KDM1B: variants seen among roughly 807,000 people sequenced by gnomAD.
KDM1B encodes lysine demethylase 1B.
KDM1B carries 63 observed loss-of-function variants against 107.4 expected under a neutral mutation model. The observed-to-expected ratio is 0.59, with a 90% CI of 0.48 to 0.72. The LOEUF is 0.72. KDM1B is among the 30% of genes least tolerant of loss of function. The pLI is 0.00. For synonymous variants in KDM1B, 363 were observed against 363.9 expected (o/e 1.00, Z 0.03); for missense variants, 749 against 1,020.8 (o/e 0.73, Z 3.63).
intron 5 of KDM1B, among the ~76,000 whole-genome samples, chr6:18,164,972 T>C (rs999199637): frequency 2.6e-5 from 4 of 152,034 alleles, no homozygotes; most frequent in Non-Finnish European, 4.4e-5. Flanking sequence ...TTTACACTTA[T>C]AGTTTTTTTG....
At chr6:18,187,346 G>A (rs79798644) in intron 8 of KDM1B, among the ~76,000 whole-genome samples, 2,081 of 152,278 alleles carry the variant, frequency 0.014, 45 homozygotes, top group African/African-American at 0.048. Flanking sequence ...CTACTTGGGA[G>A]CATTATTTTT....
intron 17 of KDM1B, among the ~76,000 whole-genome samples, chr6:18,208,588 T>C (rs1788547382): frequency 8.5e-6 from 1 of 117,240 alleles, no homozygotes. Flanking sequence ...TAGGGTTAAA[T>C]AGAAGTATGT....
chr6:18,221,737 C>A (rs556779774), intron 21 of KDM1B, among the ~76,000 whole-genome samples, 172 bp from the exon 22 acceptor site: 3 of 152,180 alleles, frequency 2.0e-5, no homozygotes, highest in Non-Finnish European at 4.4e-5. Context: ...TTTGACAATG[C>A]ATGGCCAGAT....
At position 18,187,869 on chromosome 6, in the gene KDM1B, G is replaced by A. The variant is rs572038589; in HGVS notation, c.651G>A (p.Ala217=). Residue 217 remains alanine, a synonymous_variant, in exon 9 of 22, where the codon GCG becomes GCA. Transcript: ENST00000650836. The part of the protein sequence containing the change: ...LPPLLKDSVA[A]PLLSAYYPDC... ...CTTTGCTGAAAGACAGTGTGGCAGC[G>A]CCCCTGCTGTCTGCCTACTACCCTG... 73 of 1,550,210 alleles carry A rather than the reference G, an allele frequency of 4.7e-5. No homozygotes were observed. The East Asian group carries it at 1.2e-3, about 25-fold the overall frequency.
In KDM1B at chr6:18,223,316, T is replaced by G. The variant is rs942002643; in HGVS notation, c.*1324T>G. The G allele has an allele frequency of 6.6e-6, 1 of 151,830 alleles. No homozygotes were observed. The highest frequency in any genetic ancestry group is 1.5e-5 in the Non-Finnish European group (1 of 67,990). The allele number at this position is 151,830 out of a possible 1,614,324, so 9.4% of individuals were successfully genotyped here. A position where few individuals can be genotyped will look rare whatever the true frequency, so the allele number is the denominator to read the frequency against. On this transcript the variant is annotated 3_prime_UTR_variant, in exon 22 of 22. Transcript: ENST00000650836. ...AAGAATGTGCAGTGAACCTCAGGCA[T>G]TTAAGACACCTCCCCCACCGCCCGC... is the stretch of plus-strand genomic sequence containing the variant.
chr6:18,168,792 C>T (rs1298476885), intron 6 of KDM1B, among the ~76,000 whole-genome samples: 2 of 152,158 alleles, frequency 1.3e-5, no homozygotes, highest in South Asian at 4.1e-4. Context: ...TCCCTAATGA[C>T]TAATGCAACC....
rs570638702 is a variant in KDM1B at position 18,175,978 on chromosome 6, G to A, written c.534+4499G>A. Among the ~76,000 whole-genome samples the A allele has an allele frequency of 3.8e-3, 579 of 151,236 alleles. 3 individuals carry two copies. Among genetic ancestry groups the A allele is most frequent in the African/African-American group, 0.013 (554 of 41,442 alleles). ...CTTTTTTGGTTCCATATGAGTTTTAGAATTTTTTCTAATTATGTGATGAAT... is the reference window on the plus strand; with the variant it reads ...CTTTTTTGGTTCCATATGAGTTTTAAAATTTTTTCTAATTATGTGATGAAT... On this transcript the variant is annotated intron_variant, in intron 7 of 21. Coordinates refer to ENST00000650836, the MANE Select transcript of KDM1B (RefSeq NM_001364614.2).
At position 18,191,610 on chromosome 6, in the gene KDM1B, T is replaced by C. The variant is rs555016507; in HGVS notation, c.969+229T>C. Among the ~76,000 whole-genome samples the C allele has an allele frequency of 1.3e-5, 2 of 152,164 alleles. No individual in the cohort carries two copies. The highest frequency in any genetic ancestry group is 2.9e-5 in the Non-Finnish European group (2 of 68,028). On this transcript the variant is annotated intron_variant, in intron 10 of 21. Coordinates refer to ENST00000650836, the MANE Select transcript of KDM1B (RefSeq NM_001364614.2). This position sits in a 1 kb window ranked among gnomAD's most constrained non-coding sequence, Gnocchi z 5.1. Reference sequence around the variant, plus strand: ...AGATTCCAGTAATGCTTCCCACCTGTGAAAACCAAATACGTCTATAGACAT... The same window carrying C: ...AGATTCCAGTAATGCTTCCCACCTGCGAAAACCAAATACGTCTATAGACAT...
intron 6 of KDM1B, among the ~76,000 whole-genome samples, chr6:18,166,693 T>G (rs536344462): frequency 6.7e-6 from 1 of 149,728 alleles, no homozygotes; most frequent in African/African-American, 2.5e-5. Flanking sequence ...CAAAAAAAAA[T>G]TTTTTTTTTA....
chr6:18,169,585 C>T (rs1785525464), intron 6 of KDM1B, among the ~76,000 whole-genome samples: 1 of 152,072 alleles, frequency 6.6e-6, no homozygotes, highest in Non-Finnish European at 1.5e-5. Context: ...GTATTTTTTC[C>T]TATAGGTTGT....
At chr6:18,185,920 T>A in intron 8 of KDM1B, 110 bp downstream of exon 8, 1 of 1,036,974 alleles carries the variant, frequency 9.6e-7, no homozygotes, top group East Asian at 2.4e-5. Context: ...TGGTTGCTGA[T>A]CAGTGACTTT....
intron 10 of KDM1B, among the ~76,000 whole-genome samples, chr6:18,196,347 G>C (rs192782382): frequency 6.6e-6 from 1 of 152,246 alleles, no homozygotes; most frequent in African/African-American, 2.4e-5. Context: ...CCCTGCAGTG[G>C]GGGTTGCTGG....
At chr6:18,219,957 G>A (rs942327809) in intron 21 of KDM1B, among the ~76,000 whole-genome samples, 10 of 152,140 alleles carry the variant, frequency 6.6e-5, no homozygotes, top group Non-Finnish European at 1.5e-4. Context: ...AGTTGCAGCC[G>A]GTCAAGTGGG....
intron 10 of KDM1B, among the ~76,000 whole-genome samples, chr6:18,196,815 TTA>T (rs760252344): frequency 4.9e-4 from 74 of 152,318 alleles, no homozygotes; most frequent in Middle Eastern, 3.4e-3. Flanking sequence ...TATGTAAATA[TTA>T]TGTCATTTTA....
intron 21 of KDM1B, 132 bp from the exon 22 acceptor site, chr6:18,221,777 T>C (rs1451604499): frequency 2.8e-6 from 2 of 703,030 alleles, no homozygotes; most frequent in South Asian, 1.9e-5. Flanking sequence ...TTACGATGGG[T>C]GAGTGTGAAT....
chr6:18,159,218 G>T lies in KDM1B; in HGVS notation c.-13-665G>T, dbSNP rs1368573768. Among the ~76,000 whole-genome samples, 1 of 152,086 alleles carries T rather than the reference G, an allele frequency of 6.6e-6. No homozygotes were observed. Among genetic ancestry groups the T allele is most frequent in the Non-Finnish European group, 1.5e-5 (1 of 68,008 alleles). ...CCTGACCTCATGATCCGCCTGCCTG[G>T]GCCTTGCAAAGTGCTGGGATTACAA... On this transcript the variant is annotated intron_variant, in intron 2 of 21. Coordinates refer to ENST00000650836, the MANE Select transcript of KDM1B (RefSeq NM_001364614.2). This position sits in a 1 kb window ranked among gnomAD's most constrained non-coding sequence, Gnocchi z 4.5.
intron 7 of KDM1B, among the ~76,000 whole-genome samples, chr6:18,182,084 T>A (rs541461904): frequency 1.6e-4 from 24 of 152,330 alleles, no homozygotes; most frequent in African/African-American, 5.8e-4. Flanking sequence ...TATTTTAACA[T>A]CAAGCATTTT....
rs954166590 is a variant in KDM1B at position 18,222,285 on chromosome 6, T to C, written c.*293T>C. ...TCAGTTGAGGCCATGGATTTGATTG[T>C]TCCATGGCTGGAAGTTCCCTTTAGA... On this transcript the variant is annotated 3_prime_UTR_variant, in exon 22 of 22. Coordinates refer to ENST00000650836, the MANE Select transcript of KDM1B (RefSeq NM_001364614.2). 3 of 479,372 alleles carry C rather than the reference T, an allele frequency of 6.3e-6. No individual in the cohort carries two copies. Among genetic ancestry groups the C allele is most frequent in the Middle Eastern group, 3.9e-4 (1 of 2,596 alleles). The allele number at this position is 479,372 out of a possible 1,614,324, so 29.7% of individuals were successfully genotyped here.
Position 18,162,577 on chromosome 6 carries a change from A to C in KDM1B, c.216-258A>C, listed in dbSNP as rs1292430919. On this transcript the variant is annotated intron_variant, in intron 4 of 21. Transcript: ENST00000650836. This position sits in a 1 kb window ranked among gnomAD's most constrained non-coding sequence, Gnocchi z 4.1. ...CTGTCCTTTTGTGTCATAAAACCCT[A>C]TCATTGCCCCAAGGAGTCTTCTTAA... 6.6e-6 allele frequency among the ~76,000 whole-genome samples: 1 copy of C among 152,056 alleles called. No homozygotes were observed. Among genetic ancestry groups the C allele is most frequent in the Non-Finnish European group, 1.5e-5 (1 of 68,024 alleles).
Sources: gnomAD v4.1 joint callset for allele counts (sites outside exome capture counted in the v4.1 genomes callset) on GRCh38, gnomAD v4.1.1 for gene constraint, Gnocchi (gnomAD v3.1) non-coding constraint, MANE v1.5 for transcripts, NCBI Gene and HGNC (gene_info 2026-07-23, HGNC 2026-07-21) for gene names.